TFG: variants seen among roughly 807,000 people sequenced by gnomAD.
TFG encodes protein TFG.
A neutral mutation model predicts 51.4 loss-of-function variants in TFG; 22 were observed. The observed-to-expected ratio is 0.43, with a 90% CI of 0.31 to 0.61. The LOEUF (loss-of-function observed/expected upper bound fraction) is 0.61, where lower values mean the gene tolerates loss of function less well. Ranked by LOEUF, TFG falls within the 20% of genes least tolerant of loss-of-function variation. The pLI is 0.12. For synonymous variants in TFG, 187 were observed against 165.6 expected (o/e 1.13, Z -0.99); for missense variants, 419 against 487.7 (o/e 0.86, Z 1.33).
At chr3:100,720,973 T>G (rs1043491430) in intron 3 of TFG, among the ~76,000 whole-genome samples, 2 of 152,128 alleles carry the variant, frequency 1.3e-5, no homozygotes, top group African/African-American at 2.4e-5. Flanking sequence ...AAACTTAGAG[T>G]TCAGTGTGAA....
chr3:100,734,039 TCA>T (rs1161166786), intron 5 of TFG, among the ~76,000 whole-genome samples: 1 of 151,906 alleles, frequency 6.6e-6, no homozygotes, highest in African/African-American at 2.4e-5. Flanking sequence ...GCAGATGTCC[TCA>T]CAGTCACAGA....
Position 100,713,901 on chromosome 3 carries a change from T to TC in TFG, c.184+33dup, listed in dbSNP as rs775617560. On this transcript the variant is annotated intron_variant, in intron 2 of 7. Coordinates refer to ENST00000240851, the MANE Select transcript of TFG (RefSeq NM_006070.6). The stretch of plus-strand genomic sequence containing the variant: ...GTGTTTTTAAAGCTATTTTTTAAAG[T>TC]CTTTTTAAAAAAAAAAAAAAAAAGA... 5,101 of 1,262,266 alleles carry TC rather than the reference T, an allele frequency of 4.0e-3. 32 individuals are homozygous for TC. Among genetic ancestry groups the TC allele is most frequent in the Non-Finnish European group, 4.3e-3 (4,108 of 945,172 alleles). 78.2% of individuals were successfully genotyped at this position (1,262,266 alleles called of 1,614,324 possible).
In TFG at chr3:100,736,573, C is replaced by CA. The variant is rs2095106926; in HGVS notation, c.581-2dup. ...CTAAACTGACTTTTTTTTGACTATC[C>CA]AGGGCCACCCAGTGCTCCTGCAGAA... On this transcript the variant is annotated splice_region_variant and splice_polypyrimidine_tract_variant and intron_variant, in intron 5 of 7. Transcript: ENST00000240851. 1 of 1,613,016 alleles carries CA rather than the reference C, an allele frequency of 6.2e-7. No individual in the cohort carries two copies. Among genetic ancestry groups the CA allele is most frequent in the African/African-American group, 1.3e-5 (1 of 74,766 alleles).
intron 3 of TFG, among the ~76,000 whole-genome samples, chr3:100,721,474 T>TA (rs2095060626): frequency 6.6e-6 from 1 of 152,184 alleles, no homozygotes; most frequent in African/African-American, 2.4e-5. Flanking sequence ...TCTACCTTGA[T>TA]ACAGGGAAAG....
rs2095037748 is a variant in TFG at position 100,713,853 on chromosome 3, A to G, written c.168A>G (p.Ile56Met). The G allele has an allele frequency of 6.4e-7, 1 of 1,559,136 alleles. No homozygotes were observed. Among genetic ancestry groups the G allele is most frequent in the Non-Finnish European group, 8.8e-7 (1 of 1,142,462 alleles). The change falls in exon 2 of 8, where the codon ATA (isoleucine) becomes ATG (methionine). Residue 56 changes from isoleucine to methionine, a missense_variant. Coordinates refer to ENST00000240851, the MANE Select transcript of TFG (RefSeq NM_006070.6). ...TTCTGAGTAATGATGAAGTAACAATAAAGTATAAAGATGAAGGTAAGAGTG... is the reference window on the plus strand; with the variant it reads ...TTCTGAGTAATGATGAAGTAACAATGAAGTATAAAGATGAAGGTAAGAGTG... The part of the protein sequence containing the change: ...GKLLSNDEVT[I>M]KYKDEDGDLI...
At chr3:100,733,764 G>T (rs1196985035) in intron 5 of TFG, among the ~76,000 whole-genome samples, 1 of 152,160 alleles carries the variant, frequency 6.6e-6, no homozygotes, top group African/African-American at 2.4e-5. Context: ...TGTTGATCTA[G>T]CAGGGAGTTG....
chr3:100,725,506 C>T (rs192264496), intron 3 of TFG, among the ~76,000 whole-genome samples: 159 of 150,306 alleles, frequency 1.1e-3, no homozygotes, highest in South Asian at 4.2e-4. Context: ...TGGCCAGGTG[C>T]GGTGGCTCAC....
chr3:100,718,698 T>C lies in TFG; in HGVS notation c.185-1277T>C, dbSNP rs141580665. On this transcript the variant is annotated intron_variant, in intron 2 of 7. Transcript: ENST00000240851. Reference sequence around the variant, plus strand: ...TCGGCCTCCCAAGTAGCTGGAATTATAGGCACACACCACCACACTCGGCTG... The same window carrying C: ...TCGGCCTCCCAAGTAGCTGGAATTACAGGCACACACCACCACACTCGGCTG... Among the ~76,000 whole-genome samples the C allele has an allele frequency of 3.5e-3, 526 of 151,886 alleles. 5 individuals are homozygous for C. The highest frequency in any genetic ancestry group is 5.1e-3 in the Non-Finnish European group (345 of 67,902).
chr3:100,720,190 T>A, intron 3 of TFG, 132 bp downstream of exon 3: 1 of 549,284 alleles, frequency 1.8e-6, no homozygotes, highest in Non-Finnish European at 3.2e-6. Context: ...TGTGTTCAGG[T>A]AGTTGTTTTA....
At chr3:100,710,863 A>C (rs949051248) in intron 1 of TFG, 1 of 152,208 alleles carries the variant, frequency 6.6e-6, no homozygotes, top group Non-Finnish European at 1.5e-5. Context: ...AGAGAAAATG[A>C]GTACCAGAAT....
chr3:100,736,312 G>A (rs1284802360), intron 5 of TFG, among the ~76,000 whole-genome samples: 1 of 152,084 alleles, frequency 6.6e-6, no homozygotes, highest in African/African-American at 2.4e-5. Flanking sequence ...GCAGACATGA[G>A]TTTTGATTTT....
chr3:100,711,450 A>G (rs1168163925), intron 1 of TFG, among the ~76,000 whole-genome samples: 2 of 152,216 alleles, frequency 1.3e-5, no homozygotes, highest in Non-Finnish European at 2.9e-5. Context: ...TACCCCAGTC[A>G]GAAGGACATA....
intron 5 of TFG, among the ~76,000 whole-genome samples, chr3:100,735,000 C>A (rs1405539985): frequency 6.6e-6 from 1 of 151,890 alleles, no homozygotes; most frequent in Non-Finnish European, 1.5e-5. Context: ...TAAAATATTA[C>A]AAACATGGAA....
At chr3:100,745,721 T>C (rs79254103) in intron 7 of TFG, among the ~76,000 whole-genome samples, 3,615 of 152,328 alleles carry the variant, frequency 0.024, 65 homozygotes, top group Non-Finnish European at 0.04. Context: ...AATTCTATTT[T>C]ATAGAGTTTT....
At chr3:100,732,710 C>T in intron 5 of TFG, 38 bp downstream of exon 5, 2 of 1,497,850 alleles carry the variant, frequency 1.3e-6, no homozygotes, top group Non-Finnish European at 1.8e-6. Flanking sequence ...CCTTCGTTTC[C>T]TTCATCTTTC....
chr3:100,735,023 G>C (rs773873058), intron 5 of TFG, among the ~76,000 whole-genome samples: 1 of 152,096 alleles, frequency 6.6e-6, no homozygotes, highest in Non-Finnish European at 1.5e-5. Context: ...AATATTAACT[G>C]TAATAAATTA....
At chr3:100,731,679 C>T (rs1349082250) in intron 4 of TFG, among the ~76,000 whole-genome samples, 2 of 152,078 alleles carry the variant, frequency 1.3e-5, no homozygotes, top group Non-Finnish European at 2.9e-5. Flanking sequence ...GACTCAGCCT[C>T]CTGAGTAGCT....
At position 100,738,595 on chromosome 3, in the gene TFG, A is replaced by G. The variant is rs2095113005; in HGVS notation, c.721+1879A>G. Among the ~76,000 whole-genome samples the G allele has an allele frequency of 2.6e-5, 4 of 152,196 alleles. No homozygotes were observed. The South Asian group carries it at 8.3e-4, about 31-fold the overall frequency. ...CTCTCTCCCACCTCTGTCCACAGCA[A>G]CCAAATTCCTTTTTTCAGAGGTAGC... On this transcript the variant is annotated intron_variant, in intron 6 of 7. Coordinates refer to ENST00000240851, the MANE Select transcript of TFG (RefSeq NM_006070.6).
At chr3:100,737,863 A>G (rs2095110844) in intron 6 of TFG, among the ~76,000 whole-genome samples, 3 of 152,148 alleles carry the variant, frequency 2.0e-5, no homozygotes, top group Non-Finnish European at 2.9e-5. Flanking sequence ...AGGCTGGGTG[A>G]CATAGTGAGA....
Sources: gnomAD v4.1 joint callset for allele counts (sites outside exome capture counted in the v4.1 genomes callset) on GRCh38, gnomAD v4.1.1 for gene constraint, MANE v1.5 for transcripts, NCBI Gene and HGNC (gene_info 2026-07-23, HGNC 2026-07-21) for gene names.